GUCY2D: variants seen among roughly 807,000 people sequenced by gnomAD.
GUCY2D encodes the protein retinal guanylyl cyclase 1.
Under a neutral mutation model 101.3 loss-of-function variants are expected in GUCY2D, and 70 were observed. That is an observed-to-expected ratio of 0.69 (90% CI 0.57 to 0.84). The LOEUF is 0.84. Ranked by LOEUF, GUCY2D falls within the 40% of genes least tolerant of loss-of-function variation. The pLI, the probability that GUCY2D is intolerant of heterozygous loss-of-function variation, is 0.00. For synonymous variants in GUCY2D, 688 were observed against 670.7 expected, an observed-to-expected ratio of 1.03 and a Z score of -0.40; for missense variants, 1,460 against 1,542.5, an observed-to-expected ratio of 0.95 and a Z score of 0.90.
At chr17:8,012,808 T>G (rs1021127159) in intron 10 of GUCY2D, among the ~76,000 whole-genome samples, 1 of 152,222 alleles carries the variant, frequency 6.6e-6, no homozygotes, top group Non-Finnish European at 1.5e-5. Context: ...GGGCGGGACT[T>G]GTACCTGAGC....
intron 19 of GUCY2D, among the ~76,000 whole-genome samples, chr17:8,019,391 G>A (rs953423074): frequency 2.0e-5 from 3 of 152,212 alleles, no homozygotes; most frequent in African/African-American, 2.4e-5. Flanking sequence ...AAGCAGAGGC[G>A]GATGAGCCAG....
In GUCY2D at chr17:8,013,823, A is replaced by G; in HGVS notation, c.2264-57A>G. On this transcript the variant is annotated intron_variant, in intron 11 of 19. Coordinates refer to ENST00000254854, the MANE Select transcript of GUCY2D (RefSeq NM_000180.4). This position sits in a 1 kb window ranked among gnomAD's most constrained non-coding sequence, Gnocchi z 5.0. ...GGTCTTCAACAGTCAGGCCAGGGTC[A>G]GAGGCAGCCTTTGTGTTCTGGGGGC... The G allele has an allele frequency of 6.6e-7, 1 of 1,515,210 alleles. No individual in the cohort carries two copies. Among genetic ancestry groups the G allele is most frequent in the Non-Finnish European group, 9.2e-7 (1 of 1,091,486 alleles). 93.9% of individuals were successfully genotyped at this position (1,515,210 alleles called of 1,614,324 possible). A position where few individuals can be genotyped will look rare whatever the true frequency, so the allele number is the denominator to read the frequency against.
chr17:8,016,071 A>C, intron 17 of GUCY2D, 50 bp downstream of exon 17: 6 of 1,496,784 alleles, frequency 4.0e-6, no homozygotes, highest in Non-Finnish European at 5.5e-6. Flanking sequence ...GTCCTGAGGC[A>C]CCGCCCATCC....
chr17:8,012,654 T>C (rs1409730252), intron 10 of GUCY2D, 48 bp downstream of exon 10: 1 of 1,487,880 alleles, frequency 6.7e-7, no homozygotes, highest in East Asian at 2.3e-5. Flanking sequence ...CCCCATTATT[T>C]CAAGGGCTTC....
rs1975760842 is a variant in GUCY2D, at chr17:8,007,145, G to A, written c.1463+1G>A. On this transcript the variant is annotated splice_donor_variant, in intron 5 of 19. Transcript: ENST00000254854. LOFTEE classifies it high-confidence loss of function. ...GGGCCTTCCTGGCCCATTATGTGAG[G>A]TGAGTAGTGGAATGAGGTAAGTAGG... is the stretch of plus-strand genomic sequence containing the variant. 1 of 1,603,178 alleles carries A rather than the reference G, an allele frequency of 6.2e-7. No homozygotes were observed. Among genetic ancestry groups the A allele is most frequent in the Admixed American group, 1.7e-5 (1 of 60,004 alleles).
Position 8,006,365 on chromosome 17 carries a change from C to G in GUCY2D, c.1029C>G (p.Val343=). ...GAGCCCCTACTCTCCTTCTCCAGGT[C>G]TCCCCACTCTTTGGCACCATCTATG... ...ELPSDLNLQQ[V]SPLFGTIYDA... is the part of the protein sequence containing the mutation. The change falls in exon 4 of 20, where the codon GTC becomes GTG. Residue 343 remains valine (V), a splice_region_variant and synonymous_variant. Transcript: ENST00000254854. 1.9e-6 allele frequency: 3 copies of G among 1,599,644 alleles called. No individual in the cohort carries two copies. The South Asian group carries it at 3.3e-5, about 18-fold the overall frequency.
chr17:8,012,103 T>A (rs1975860929), intron 8 of GUCY2D, 41 bp from the exon 9 acceptor site: 1 of 1,427,058 alleles, frequency 7.0e-7, no homozygotes, highest in Admixed American at 1.7e-5. Context: ...TTCCCCACAT[T>A]GCCCTGGGCA....
chr17:8,003,407 C>T lies in GUCY2D; in HGVS notation c.360C>T (p.Arg120=). ...SLGAVSSALA[R]VSGLVGPVNP... ...GGGCCGTGTCCTCCGCGCTGGCCCG[C>T]GTGTCGGGCCTCGTGGGTCCGGTGA... is the stretch of plus-strand genomic sequence containing the variant. The change falls in exon 2 of 20, where the codon CGC becomes CGT. Residue 120 remains arginine, a synonymous_variant. Transcript: ENST00000254854. The T allele has an allele frequency of 6.7e-7, 1 of 1,494,866 alleles. No homozygotes were observed. Among genetic ancestry groups the T allele is most frequent in the Non-Finnish European group, 8.9e-7 (1 of 1,129,516 alleles). 92.6% of individuals were successfully genotyped at this position (1,494,866 alleles called of 1,614,324 possible).
At chr17:8,004,667 C>T (rs185088930) in intron 3 of GUCY2D, among the ~76,000 whole-genome samples, 24 of 151,232 alleles carry the variant, frequency 1.6e-4, no homozygotes, top group Admixed American at 4.6e-4. Context: ...GTATTTCCAA[C>T]ATCCAGCTAA....
rs781660401 is a variant in GUCY2D at position 8,014,997 on chromosome 17, C to T, written c.2715C>T (p.Leu905=). The T allele has an allele frequency of 4.3e-6, 7 of 1,613,612 alleles. No homozygotes were observed. The highest frequency in any genetic ancestry group is 1.3e-5 in the African/African-American group (1 of 74,748). ...MSEPIEVVDL[L]NDLYTLFDAI... ...AGCCCATTGAGGTTGTGGACCTGCT[C>T]AACGATCTCTACACACTCTTTGATG... The change falls in exon 14 of 20, where the codon CTC becomes CTT. Residue 905 remains leucine (L), a synonymous_variant. Transcript: ENST00000254854. The surrounding 1 kb of genome is among the most constrained non-coding windows in gnomAD (Gnocchi z 4.0).
intron 8 of GUCY2D, among the ~76,000 whole-genome samples, chr17:8,010,629 A>C (rs534452349): frequency 1.3e-5 from 2 of 151,778 alleles, no homozygotes; most frequent in African/African-American, 4.8e-5. Context: ...ACACGGTGAA[A>C]CCCCGTCTCT....
chr17:8,012,382 TG>T, intron 9 of GUCY2D, 32 bp downstream of exon 9: 1 of 1,481,150 alleles, frequency 6.8e-7, no homozygotes, highest in Non-Finnish European at 9.2e-7. Context: ...GGTGACGTCC[TG>T]GGGGCAGGGA....
intron 19 of GUCY2D, among the ~76,000 whole-genome samples, chr17:8,018,754 T>C (rs1406135669): frequency 6.6e-6 from 1 of 151,938 alleles, no homozygotes; most frequent in Non-Finnish European, 1.5e-5. Flanking sequence ...TTTATATTCC[T>C]GCCTGGTGCC....
At position 8,003,064 on chromosome 17, in the gene GUCY2D, G is replaced by T; in HGVS notation, c.17G>T (p.Arg6Leu). 1.6e-5 allele frequency: 25 copies of T among 1,526,220 alleles called. No individual in the cohort carries two copies. Among genetic ancestry groups the T allele is most frequent in the Non-Finnish European group, 2.1e-5 (24 of 1,143,154 alleles). The allele number at this position is 1,526,220 out of a possible 1,614,324, so 94.5% of individuals were successfully genotyped here. The stretch of plus-strand genomic sequence containing the variant: ...AAGCCGGCAATGACCGCCTGCGCCC[G>T]CCGAGCGGGTGGGCTTCCGGACCCC... MTACA[R>L]RAGGLPDPGL... The change falls in exon 2 of 20, where the codon CGC becomes CTC. Residue 6 changes from arginine to leucine, a missense_variant. Physicochemically the swap from Arg to Leu is moderately radical, Grantham distance 102. Transcript: ENST00000254854.
rs1346113193 is a variant in GUCY2D at position 8,014,152 on chromosome 17, A to C, written c.2412+124A>C. The stretch of plus-strand genomic sequence containing the variant: ...CTCTGGCCTTCCAGGCTACCTCCTA[A>C]GGAGTAGCCTGAAGACTCGGAGTTT... On this transcript the variant is annotated intron_variant, in intron 12 of 19. Coordinates refer to ENST00000254854, the MANE Select transcript of GUCY2D (RefSeq NM_000180.4). The surrounding 1 kb of genome is among the most constrained non-coding windows in gnomAD (Gnocchi z 4.0). 6 of 887,140 alleles carry C rather than the reference A, an allele frequency of 6.8e-6. No individual in the cohort carries two copies. Among genetic ancestry groups the C allele is most frequent in the African/African-American group, 1.6e-5 (1 of 61,332 alleles). The allele number at this position is 887,140 out of a possible 1,614,324, so 55.0% of individuals were successfully genotyped here. A position where few individuals can be genotyped will look rare whatever the true frequency, so the allele number is the denominator to read the frequency against.
rs1975924948 is a variant in GUCY2D at position 8,014,648 on chromosome 17, G to GCTT, written c.2462_2464dup (p.Leu821dup). 6.2e-7 allele frequency: 1 copy of GCTT among 1,613,960 alleles called. No individual in the cohort carries two copies. Among genetic ancestry groups the GCTT allele is most frequent in the Non-Finnish European group, 8.5e-7 (1 of 1,179,962 alleles). Reference sequence around the variant, plus strand: ...GGAAGACGAACATCATTGACTCGATGCTTCGGATGCTGGAGCAGTACTCTA... The same window carrying GCTT: ...GGAAGACGAACATCATTGACTCGATGCTTCTTCGGATGCTGGAGCAGTACTCTA... On this transcript the variant is annotated inframe_insertion, in exon 13 of 20. Transcript: ENST00000254854. The surrounding 1 kb of genome is among the most constrained non-coding windows in gnomAD (Gnocchi z 4.0).
At chr17:8,009,854 T>C (rs1975816418) in intron 8 of GUCY2D, among the ~76,000 whole-genome samples, 3 of 152,106 alleles carry the variant, frequency 2.0e-5, no homozygotes, top group African/African-American at 7.2e-5. Context: ...TACATGCCTG[T>C]AGTCCCAGCT....
In GUCY2D at chr17:8,013,252, G is replaced by A. The variant is rs771077016; in HGVS notation, c.2263G>A (p.Glu755Lys). The change falls in exon 11 of 20, where the codon GAA becomes AAA. Residue 755 changes from glutamate to lysine, a missense_variant and splice_region_variant. Around this residue, in one of 3 missense-constraint regions of GUCY2D, gnomAD observed 1,196 missense variants for 1,229.6 expected, o/e 0.97. Coordinates refer to ENST00000254854, the MANE Select transcript of GUCY2D (RefSeq NM_000180.4). This position sits in a 1 kb window ranked among gnomAD's most constrained non-coding sequence, Gnocchi z 5.0. ...PYAMLELTPE[E>K]VVQRVRSPPP... ...TGCCATGCTGGAGCTCACTCCCGAG[G>A]GTAAGGCTGCCCTGTGCGTGGAGTT... is the stretch of plus-strand genomic sequence containing the variant. 6.2e-6 allele frequency: 10 copies of A among 1,613,890 alleles called. No individual in the cohort carries two copies. Among genetic ancestry groups the A allele is most frequent in the East Asian group, 4.5e-5 (2 of 44,888 alleles).
intron 8 of GUCY2D, among the ~76,000 whole-genome samples, chr17:8,010,578 G>C (rs537992694): frequency 2.0e-5 from 3 of 151,814 alleles, no homozygotes; most frequent in African/African-American, 4.8e-5. Flanking sequence ...AGGCCGAGGC[G>C]GGCGGATCAC....
Sources: allele counts gnomAD v4.1 joint callset (sites outside exome capture counted in the v4.1 genomes callset), GRCh38; gene constraint gnomAD v4.1.1; regional missense constraint gnomAD v4.1.1; non-coding constraint Gnocchi (gnomAD v3.1); transcripts MANE v1.5; gene names NCBI Gene and HGNC (gene_info 2026-07-23, HGNC 2026-07-21).